The following XRCC4 variants were observed in gnomAD, a reference collection of about 807,000 sequenced individuals.
The protein encoded by XRCC4 is DNA repair protein XRCC4.
Under a neutral mutation model 39.1 loss-of-function variants are expected in XRCC4, and 28 were observed. The ratio of observed to expected loss-of-function variants is 0.72; its 90% CI spans 0.53 to 0.98. The LOEUF is 0.98. XRCC4 is among the 50% of genes least tolerant of loss of function. XRCC4 has a pLI of 0.00. For synonymous variants in XRCC4, 123 were observed against 126.4 expected (o/e 0.97, Z 0.18); for missense variants, 350 against 376.4 (o/e 0.93, Z 0.58).
intron 6 of XRCC4, among the ~76,000 whole-genome samples, chr5:83,212,850 C>T (rs957550810): frequency 6.7e-6 from 1 of 149,774 alleles, no homozygotes; most frequent in East Asian, 2.0e-4. Flanking sequence ...TCTCTTGAAC[C>T]AGAGAGGTGG....
chr5:83,293,015 AC>A (rs770256254), intron 7 of XRCC4, among the ~76,000 whole-genome samples: 12 of 151,876 alleles, frequency 7.9e-5, no homozygotes, highest in East Asian at 3.9e-4. Flanking sequence ...TTTATTATAG[AC>A]CTTTTTTTTA....
At chr5:83,183,253 G>A (rs1206851146) in intron 3 of XRCC4, among the ~76,000 whole-genome samples, 4 of 150,888 alleles carry the variant, frequency 2.7e-5, no homozygotes, top group Non-Finnish European at 5.9e-5. Flanking sequence ...TTAATCTGGT[G>A]TGCTAGGTTC....
intron 3 of XRCC4, among the ~76,000 whole-genome samples, chr5:83,112,409 A>C (rs1288740967): frequency 6.6e-6 from 1 of 152,236 alleles, no homozygotes; most frequent in Non-Finnish European, 1.5e-5. Flanking sequence ...TGCATGTAAC[A>C]ACTAGCATTA....
At chr5:83,224,939 A>G (rs1001182723) in intron 6 of XRCC4, among the ~76,000 whole-genome samples, 15 of 152,154 alleles carry the variant, frequency 9.9e-5, no homozygotes, top group Admixed American at 9.2e-4. Context: ...ATAAATCACA[A>G]AACACTACTT....
the XRCC4 span, among the ~76,000 whole-genome samples, chr5:83,360,782 T>C: frequency 6.6e-6 from 1 of 151,580 alleles, no homozygotes; most frequent in Non-Finnish European, 1.5e-5. Context: ...CTGAGCCCAG[T>C]CTAGATAAGC....
At chr5:83,278,506 G>T (rs1417393321) in intron 7 of XRCC4, among the ~76,000 whole-genome samples, 1 of 152,156 alleles carries the variant, frequency 6.6e-6, no homozygotes, top group Non-Finnish European at 1.5e-5. Flanking sequence ...TGTGTCTGAT[G>T]AGGGCTTTCA....
In XRCC4 at chr5:83,201,289, C is replaced by A. The variant is rs566427415; in HGVS notation, c.483-2263C>A. 3.9e-5 allele frequency: 6 copies of A among 152,292 alleles called. No individual in the cohort carries two copies. The East Asian group carries it at 1.2e-3, about 29-fold the overall frequency. 9.4% of individuals were successfully genotyped at this position (152,292 alleles called of 1,614,324 possible). ...CCACTTTTGTAAGTACTGGCAGTGG[C>A]CTATAGCAATATGGTTCACCCAGCC... On this transcript the variant is annotated intron_variant, in intron 4 of 7. Coordinates refer to ENST00000396027, the MANE Select transcript of XRCC4 (RefSeq NM_003401.5).
In XRCC4 at chr5:83,255,300, A is replaced by G. The variant is rs184550649; in HGVS notation, c.746-3230A>G. On this transcript the variant is annotated intron_variant, in intron 6 of 7. Transcript: ENST00000396027. ...ATTTGAAGTAAGAGAATCTATTACA[A>G]TATGGTTTGCTATTACATTTATGTG... 2.4e-4 allele frequency among the ~76,000 whole-genome samples: 37 copies of G among 152,286 alleles called. 1 individual carries two copies. Among genetic ancestry groups the G allele is most frequent in the African/African-American group, 5.1e-4 (21 of 41,554 alleles).
At chr5:83,322,488 C>T (rs1035029753) in intron 7 of XRCC4, among the ~76,000 whole-genome samples, 7 of 152,138 alleles carry the variant, frequency 4.6e-5, no homozygotes, top group African/African-American at 1.7e-4. Context: ...AATAACCACT[C>T]CCTCCATCTC....
intron 6 of XRCC4, among the ~76,000 whole-genome samples, chr5:83,221,617 C>T (rs1169491436): frequency 6.6e-6 from 1 of 151,874 alleles, no homozygotes; most frequent in Non-Finnish European, 1.5e-5. Flanking sequence ...TCTTTCTCAT[C>T]TTAATGGAAG....
At chr5:83,135,558 A>G (rs983060803) in intron 3 of XRCC4, among the ~76,000 whole-genome samples, 4 of 151,712 alleles carry the variant, frequency 2.6e-5, no homozygotes, top group African/African-American at 9.7e-5. Flanking sequence ...GATTCCATTT[A>G]TATGTATATT....
At chr5:83,313,277 T>C (rs1755768479) in intron 7 of XRCC4, among the ~76,000 whole-genome samples, 1 of 152,110 alleles carries the variant, frequency 6.6e-6, no homozygotes, top group Non-Finnish European at 1.5e-5. Flanking sequence ...ATAAGGATCA[T>C]GTATTAATGT....
intron 6 of XRCC4, among the ~76,000 whole-genome samples, chr5:83,256,282 AAAGT>A (rs976271874): frequency 5.9e-5 from 9 of 152,172 alleles, no homozygotes; most frequent in African/African-American, 1.9e-4. Flanking sequence ...ATTGTATTTT[AAAGT>A]AAGTTGCAGA....
At chr5:83,103,573 C>G (rs1746056898) in intron 1 of XRCC4, among the ~76,000 whole-genome samples, 1 of 152,128 alleles carries the variant, frequency 6.6e-6, no homozygotes, top group East Asian at 1.9e-4. Context: ...TAGGTATATA[C>G]TCAACAGAAA....
At chr5:83,096,177 G>A (rs1426166036) in intron 1 of XRCC4, among the ~76,000 whole-genome samples, 2 of 151,754 alleles carry the variant, frequency 1.3e-5, no homozygotes, top group African/African-American at 2.4e-5. Flanking sequence ...CAGGGCTGCC[G>A]GACAGAAGTG....
intron 3 of XRCC4, among the ~76,000 whole-genome samples, chr5:83,186,235 A>G (rs900361485): frequency 6.6e-6 from 1 of 152,228 alleles, no homozygotes; most frequent in Admixed American, 6.5e-5. Context: ...AAAAATCTCT[A>G]GAAAAGTAAT....
chr5:83,149,075 TTTAA>T (rs1415875516), intron 3 of XRCC4, among the ~76,000 whole-genome samples: 10 of 152,198 alleles, frequency 6.6e-5, no homozygotes, highest in Non-Finnish European at 1.2e-4. Context: ...TGCATTTTGC[TTTAA>T]TTATCAAATA....
At chr5:83,349,047 T>G (rs1204944252) in intron 7 of XRCC4, among the ~76,000 whole-genome samples, 1 of 152,192 alleles carries the variant, frequency 6.6e-6, no homozygotes, top group African/African-American at 2.4e-5. Context: ...TTAACAAGTC[T>G]CTAGGAAGTT....
In XRCC4 at chr5:83,077,568, T is replaced by C; in HGVS notation, c.-58T>C. 1 of 532,428 alleles carries C rather than the reference T, an allele frequency of 1.9e-6. No individual in the cohort carries two copies. The highest frequency in any genetic ancestry group is 3.2e-5 in the Admixed American group (1 of 31,586). 33.0% of individuals were successfully genotyped at this position (532,428 alleles called of 1,614,324 possible). On this transcript the variant is annotated 5_prime_UTR_variant, in exon 1 of 8. Coordinates refer to ENST00000396027, the MANE Select transcript of XRCC4 (RefSeq NM_003401.5). ...TCTCATTGGTTGCAAAACCTTGATC[T>C]GTGAAAGCGGGCGTTTTGGAAGATA...
Sources: gnomAD v4.1 joint callset for allele counts (sites outside exome capture counted in the v4.1 genomes callset) on GRCh38, gnomAD v4.1.1 for gene constraint, MANE v1.5 for transcripts, NCBI Gene and HGNC (gene_info 2026-07-23, HGNC 2026-07-21) for gene names.